The following PPM1K variants were observed in gnomAD, a reference collection of about 807,000 sequenced individuals.
The protein encoded by PPM1K is protein phosphatase Mn(2+)-dependent 1K.
A neutral mutation model predicts 32.6 loss-of-function variants in PPM1K; 19 were observed. The ratio of observed to expected loss-of-function variants is 0.58; its 90% CI spans 0.41 to 0.86. The LOEUF (loss-of-function observed/expected upper bound fraction) is 0.86. Among genes scored for constraint, PPM1K ranks in the 40% least tolerant of loss-of-function variants. The pLI is 0.00. For missense variants in PPM1K, 362 were observed against 461.2 expected, an observed-to-expected ratio of 0.78 and a Z score of 1.97; for synonymous variants, 159 against 165.3, an observed-to-expected ratio of 0.96 and a Z score of 0.29.
chr4:88,265,232 T>A (rs1235708858), intron 5 of PPM1K, 97 bp from the exon 6 acceptor site: 2 of 1,400,618 alleles, frequency 1.4e-6, no homozygotes, highest in Non-Finnish European at 2.0e-6. Flanking sequence ...TAAGCGGTCA[T>A]CTGTGTAACA....
intron 2 of PPM1K, chr4:88,277,543 G>A (rs371071246): frequency 3.2e-5 from 9 of 276,986 alleles, no homozygotes; most frequent in African/African-American, 8.8e-5. Flanking sequence ...CGTGGAATGC[G>A]GTATACACAG....
chr4:88,277,572 C>G, intron 2 of PPM1K: 1 of 225,978 alleles, frequency 4.4e-6, no homozygotes, highest in African/African-American at 2.3e-5. Flanking sequence ...GAAATGGTCA[C>G]TGGGAAGTCA....
At position 88,258,097 on chromosome 4, in the gene PPM1K, A is replaced by C. The variant is rs1358339892; in HGVS notation, c.*4498T>G. 6.6e-6 allele frequency: 1 copy of C among 152,190 alleles called. No individual in the cohort carries two copies. The highest frequency in any genetic ancestry group is 1.5e-5 in the Non-Finnish European group (1 of 68,034). The allele number at this position is 152,190 out of a possible 1,614,324, so 9.4% of individuals were successfully genotyped here. Reference sequence around the variant, plus strand: ...TCTGCCTAAGTCATCTATATAAGCGAATCTAATAAATACAATAAAATGTAA... The same window carrying C: ...TCTGCCTAAGTCATCTATATAAGCGCATCTAATAAATACAATAAAATGTAA... On this transcript the variant is annotated 3_prime_UTR_variant, in exon 7 of 7. Coordinates refer to ENST00000608933, the MANE Select transcript of PPM1K (RefSeq NM_152542.5).
chr4:88,270,452 A>G (rs998970288), intron 3 of PPM1K, among the ~76,000 whole-genome samples: 2 of 152,250 alleles, frequency 1.3e-5, no homozygotes, highest in Non-Finnish European at 2.9e-5. Flanking sequence ...ATGTTTTAGC[A>G]TAAGTATCAG....
At chr4:88,281,985 A>G (rs1444876832) in intron 1 of PPM1K, among the ~76,000 whole-genome samples, 1 of 152,122 alleles carries the variant, frequency 6.6e-6, no homozygotes, top group Non-Finnish European at 1.5e-5. Flanking sequence ...AAAAAAAGCA[A>G]TCAGTGTTCT....
chr4:88,263,322 T>C (rs1159030648), intron 6 of PPM1K, among the ~76,000 whole-genome samples: 1 of 152,188 alleles, frequency 6.6e-6, no homozygotes, highest in Admixed American at 6.5e-5. Context: ...AAAAATATGG[T>C]AAGAATTTGG....
chr4:88,284,046 G>T (rs1171619945), intron 1 of PPM1K: 3 of 152,170 alleles, frequency 2.0e-5, no homozygotes, highest in Non-Finnish European at 2.9e-5. Flanking sequence ...AGGGTCTCCA[G>T]TCCCAGCCCA....
chr4:88,280,239 C>CG (rs1731955188), intron 1 of PPM1K, among the ~76,000 whole-genome samples: 1 of 152,096 alleles, frequency 6.6e-6, no homozygotes, highest in Admixed American at 6.5e-5. Flanking sequence ...CAGAGACTGG[C>CG]CTCAATCTTT....
rs1578306049 is a variant in PPM1K, at chr4:88,257,964, C to T, written c.*4631G>A. The T allele has an allele frequency of 6.6e-6, 1 of 152,322 alleles. No homozygotes were observed. The highest frequency in any genetic ancestry group is 1.9e-4 in the East Asian group (1 of 5,184). 9.4% of individuals were successfully genotyped at this position (152,322 alleles called of 1,614,324 possible). ...TATGACCACCAACGCACCATTTCAA[C>T]TATCTAACAACCAATGGGAGAGTCA... On this transcript the variant is annotated 3_prime_UTR_variant, in exon 7 of 7. Transcript: ENST00000608933.
intron 3 of PPM1K, among the ~76,000 whole-genome samples, chr4:88,272,309 T>C (rs1731592707): frequency 6.6e-6 from 1 of 152,178 alleles, no homozygotes; most frequent in Non-Finnish European, 1.5e-5. Context: ...CTGGTTCTTT[T>C]GTAGTTTAAT....
At position 88,262,555 on chromosome 4, in the gene PPM1K, G is replaced by A. The variant is rs1362497942; in HGVS notation, c.*40C>T. On this transcript the variant is annotated 3_prime_UTR_variant, in exon 7 of 7. Coordinates refer to ENST00000608933, the MANE Select transcript of PPM1K (RefSeq NM_152542.5). ...TTATCAGTTTCTTGACATGCTCAGT[G>A]AAAAACTGTTGCACAGAAACTCTAA... 5 of 1,607,082 alleles carry A rather than the reference G, an allele frequency of 3.1e-6. No individual in the cohort carries two copies. In the South Asian group the frequency reaches 3.3e-5, roughly 11 times the overall value.
intron 3 of PPM1K, among the ~76,000 whole-genome samples, chr4:88,270,835 T>A (rs1444339533): frequency 6.6e-6 from 1 of 152,222 alleles, no homozygotes; most frequent in Non-Finnish European, 1.5e-5. Flanking sequence ...AGGAAAGGCT[T>A]CAAAACTAAC....
At chr4:88,275,980 C>T in intron 3 of PPM1K, 1 of 985,150 alleles carries the variant, frequency 1.0e-6, no homozygotes. Context: ...AAAACATATC[C>T]CTGAAGAGAG....
intron 3 of PPM1K, chr4:88,271,016 C>T (rs757037995): frequency 2.0e-6 from 1 of 504,304 alleles, no homozygotes; most frequent in South Asian, 1.4e-5. Context: ...ATTTCTACTG[C>T]AAGTCATCTC....
chr4:88,276,118 T>C (rs1048296961), intron 3 of PPM1K: 1 of 985,384 alleles, frequency 1.0e-6, no homozygotes. Context: ...AGAAGAGAGA[T>C]AATGCTGGTG....
intron 6 of PPM1K, among the ~76,000 whole-genome samples, chr4:88,264,005 C>G (rs1731219782): frequency 6.6e-6 from 1 of 152,138 alleles, no homozygotes; most frequent in Non-Finnish European, 1.5e-5. Flanking sequence ...AAATGGAACA[C>G]TATGCATTCA....
chr4:88,274,428 G>A (rs1183714740), intron 3 of PPM1K, among the ~76,000 whole-genome samples: 1 of 152,152 alleles, frequency 6.6e-6, no homozygotes, highest in Non-Finnish European at 1.5e-5. Context: ...TTGAGTACCT[G>A]CCAGGTTCTA....
chr4:88,267,402 T>C (rs1353945035), intron 5 of PPM1K, among the ~76,000 whole-genome samples: 1 of 151,744 alleles, frequency 6.6e-6, no homozygotes, highest in African/African-American at 2.4e-5. Context: ...GTGCAGGTGA[T>C]GCTGCATGAT....
At position 88,261,165 on chromosome 4, in the gene PPM1K, C is replaced by T. The variant is rs1450328157; in HGVS notation, c.*1430G>A. On this transcript the variant is annotated 3_prime_UTR_variant, in exon 7 of 7. Transcript: ENST00000608933. Reference sequence around the variant, plus strand: ...TTCCAAATACACATTTAGAAATTCACATTTTAACAGCAAACTTACATGCAG... The same window carrying T: ...TTCCAAATACACATTTAGAAATTCATATTTTAACAGCAAACTTACATGCAG... 1 of 152,134 alleles carries T rather than the reference C, an allele frequency of 6.6e-6. No individual in the cohort carries two copies. The highest frequency in any genetic ancestry group is 2.4e-5 in the African/African-American group (1 of 41,434). The allele number at this position is 152,134 out of a possible 1,614,324, so 9.4% of individuals were successfully genotyped here. A position where few individuals can be genotyped will look rare whatever the true frequency, so the allele number is the denominator to read the frequency against.
Sources: allele counts gnomAD v4.1 joint callset (sites outside exome capture counted in the v4.1 genomes callset), GRCh38; gene constraint gnomAD v4.1.1; transcripts MANE v1.5; gene names NCBI Gene and HGNC (gene_info 2026-07-23, HGNC 2026-07-21).